The following IL19 variants were observed in gnomAD, a reference collection of about 807,000 sequenced individuals.
IL19 encodes interleukin 19.
IL19 carries 15 observed loss-of-function variants against 19.5 expected under a neutral mutation model. The observed-to-expected ratio is 0.77, with a 90% CI of 0.52 to 1.19. IL19 has a LOEUF of 1.19. Ranked by LOEUF, IL19 falls within the 50% of genes most tolerant of loss-of-function variation. The pLI is 0.00. For synonymous variants in IL19, 78 were observed against 78.3 expected, an observed-to-expected ratio of 1.00 and a Z score of 0.02; for missense variants, 199 against 213.1, an observed-to-expected ratio of 0.93 and a Z score of 0.41.
chr1:206,808,863 G>C (rs1392878468), intron 2 of IL19, among the ~76,000 whole-genome samples: 1 of 152,230 alleles, frequency 6.6e-6, no homozygotes, highest in African/African-American at 2.4e-5. Context: ...CAGATGTAGT[G>C]AAGAGGCTGC....
At chr1:206,840,080 G>A in intron 5 of IL19, 78 bp downstream of exon 5, 1 of 1,497,230 alleles carries the variant, frequency 6.7e-7, no homozygotes. Flanking sequence ...GCCCCCATCG[G>A]CCTCCTGATA....
At chr1:206,781,718 C>T (rs937990194) in intron 1 of IL19, among the ~76,000 whole-genome samples, 13 of 151,454 alleles carry the variant, frequency 8.6e-5, no homozygotes, top group African/African-American at 2.9e-4. Flanking sequence ...GGAGTGGGTG[C>T]GAGCAACTGC....
At chr1:206,787,750 C>G (rs1303780437) in intron 1 of IL19, among the ~76,000 whole-genome samples, 3 of 152,152 alleles carry the variant, frequency 2.0e-5, no homozygotes, top group Non-Finnish European at 4.4e-5. Context: ...TGAAAGAGCC[C>G]CTCTGTGGTC....
chr1:206,833,065 A>T (rs1676665509), intron 2 of IL19, among the ~76,000 whole-genome samples: 1 of 152,210 alleles, frequency 6.6e-6, no homozygotes, highest in African/African-American at 2.4e-5. Flanking sequence ...AATAAGCTCC[A>T]TTTATTCTGG....
chr1:206,835,798 T>A (rs536099589), intron 2 of IL19, among the ~76,000 whole-genome samples: 1 of 152,340 alleles, frequency 6.6e-6, no homozygotes, highest in East Asian at 1.9e-4. Context: ...AAAACAGAGA[T>A]AACCCCATAA....
At chr1:206,790,567 G>A (rs1675375460) in intron 1 of IL19, among the ~76,000 whole-genome samples, 1 of 152,150 alleles carries the variant, frequency 6.6e-6, no homozygotes, top group South Asian at 2.1e-4. Context: ...CAGAGCCAAC[G>A]GCCTGTGTCA....
chr1:206,792,849 G>T (rs769790436), intron 1 of IL19, among the ~76,000 whole-genome samples: 27 of 152,158 alleles, frequency 1.8e-4, no homozygotes, highest in Admixed American at 3.9e-4. Flanking sequence ...GCTGATAAGT[G>T]TCAGAACCAG....
intron 4 of IL19, among the ~76,000 whole-genome samples, chr1:206,838,469 T>TA (rs1413868811): frequency 2.4e-4 from 37 of 152,368 alleles, no homozygotes; most frequent in Non-Finnish European, 4.6e-4. Context: ...TGTAGCCACT[T>TA]ACTAAATAAT....
intron 2 of IL19, among the ~76,000 whole-genome samples, chr1:206,832,402 A>G (rs762313155): frequency 5.9e-5 from 9 of 152,252 alleles, no homozygotes; most frequent in Non-Finnish European, 1.3e-4. Context: ...AGACTCTGCA[A>G]TAGGGCCACA....
intron 2 of IL19, chr1:206,834,245 A>G: frequency 1.0e-6 from 1 of 985,452 alleles, no homozygotes; most frequent in Middle Eastern, 5.2e-4. Flanking sequence ...TACTAAGAAA[A>G]CAAGGGGAAA....
intron 1 of IL19, among the ~76,000 whole-genome samples, chr1:206,779,280 C>T (rs1032281136): frequency 2.0e-5 from 3 of 152,138 alleles, no homozygotes; most frequent in Non-Finnish European, 4.4e-5. Context: ...TACCTTTCTA[C>T]CCCCACATCC....
rs12029006 is a variant in IL19 at position 206,782,314 on chromosome 1, G to A, written c.-149+11236G>A. Among the ~76,000 whole-genome samples, 498 of 151,982 alleles carry A rather than the reference G, an allele frequency of 3.3e-3. 20 individuals are homozygous for A. The East Asian group carries it at 0.083, about 25-fold the overall frequency. Reference sequence around the variant, plus strand: ...GATCCTCACAACTGCTCTTACATGCGGTCTGTTGTAATATGCCGTTTTAGT... The same window carrying A: ...GATCCTCACAACTGCTCTTACATGCAGTCTGTTGTAATATGCCGTTTTAGT... On this transcript the variant is annotated intron_variant, in intron 1 of 6. Transcript: ENST00000659997.
chr1:206,814,424 C>T (rs1460106229), intron 2 of IL19, among the ~76,000 whole-genome samples: 2 of 150,026 alleles, frequency 1.3e-5, no homozygotes, highest in African/African-American at 2.5e-5. Context: ...GGCGTGGTGG[C>T]TCACACCTGT....
intron 1 of IL19, among the ~76,000 whole-genome samples, chr1:206,778,131 C>T (rs1029751907): frequency 4.3e-4 from 65 of 152,196 alleles, no homozygotes; most frequent in African/African-American, 1.4e-3. Context: ...TTATGCAAAC[C>T]GGATTAAGCG....
chr1:206,824,061 C>T lies in IL19; in HGVS notation c.-2-12600C>T, dbSNP rs549888455. ...GTCCTGAGTGTTTTGAGGGGCAAAACTGCTGCTCCTGCTGCTCACTCAAGC... is the reference window on the plus strand; with the variant it reads ...GTCCTGAGTGTTTTGAGGGGCAAAATTGCTGCTCCTGCTGCTCACTCAAGC... On this transcript the variant is annotated intron_variant, in intron 2 of 6. Transcript: ENST00000659997. Among the ~76,000 whole-genome samples, 7 of 152,368 alleles carry T rather than the reference C, an allele frequency of 4.6e-5. No homozygotes were observed. The South Asian group carries it at 1.4e-3, about 32-fold the overall frequency.
intron 1 of IL19, among the ~76,000 whole-genome samples, chr1:206,789,208 G>A (rs537928491): frequency 2.0e-5 from 3 of 152,298 alleles, no homozygotes; most frequent in South Asian, 4.1e-4. Context: ...AGTACAGTAC[G>A]AGAGATCTTT....
chr1:206,774,360 G>A (rs1558604018), intron 1 of IL19, among the ~76,000 whole-genome samples: 1 of 152,214 alleles, frequency 6.6e-6, no homozygotes, highest in Non-Finnish European at 1.5e-5. Flanking sequence ...TGGCTTAAGG[G>A]TTCTGTCTGA....
At chr1:206,794,789 T>C (rs140172700) in intron 1 of IL19, among the ~76,000 whole-genome samples, 4 of 152,314 alleles carry the variant, frequency 2.6e-5, no homozygotes, top group Non-Finnish European at 4.4e-5. Flanking sequence ...GGACCACATT[T>C]TGTGACCTGT....
At chr1:206,801,881 G>A (rs1675716620) in intron 2 of IL19, among the ~76,000 whole-genome samples, 1 of 152,196 alleles carries the variant, frequency 6.6e-6, no homozygotes, top group African/African-American at 2.4e-5. Context: ...GATTACCTGG[G>A]TATCTTGACT....
Sources: allele counts gnomAD v4.1 joint callset (sites outside exome capture counted in the v4.1 genomes callset), GRCh38; gene constraint gnomAD v4.1.1; transcripts MANE v1.5; gene names NCBI Gene and HGNC (gene_info 2026-07-23, HGNC 2026-07-21).